The following NDFIP2 variants were observed in gnomAD, a reference collection of about 807,000 sequenced individuals.
The protein encoded by NDFIP2 is NEDD4 family-interacting protein 2.
NDFIP2 carries 19 observed loss-of-function variants against 36.0 expected under a neutral mutation model. The observed-to-expected ratio is 0.53, with a 90% CI of 0.37 to 0.77. NDFIP2 has a LOEUF of 0.77. Ranked by LOEUF, NDFIP2 falls within the 30% of genes least tolerant of loss-of-function variation. The pLI is 0.00. For synonymous variants in NDFIP2, 181 were observed against 167.7 expected, an observed-to-expected ratio of 1.08 and a Z score of -0.61; for missense variants, 446 against 435.8, an observed-to-expected ratio of 1.02 and a Z score of -0.21.
intron 6 of NDFIP2, among the ~76,000 whole-genome samples, chr13:79,549,738 A>C (rs926325052): frequency 6.6e-6 from 1 of 151,866 alleles, no homozygotes; most frequent in Non-Finnish European, 1.5e-5. Flanking sequence ...GGATCCCACA[A>C]ATAAGTTGGT....
At chr13:79,528,554 T>A (rs1874888300) in intron 2 of NDFIP2, among the ~76,000 whole-genome samples, 3 of 152,222 alleles carry the variant, frequency 2.0e-5, no homozygotes, top group Non-Finnish European at 4.4e-5. Context: ...CGTCACTCAC[T>A]CACTGACTCA....
At position 79,481,334 on chromosome 13, in the gene NDFIP2, C is replaced by A. The variant is rs1478263997; in HGVS notation, c.131C>A (p.Thr44Lys). The A allele has an allele frequency of 1.9e-6, 3 of 1,547,154 alleles. No individual in the cohort carries two copies. The South Asian group carries it at 3.6e-5, about 18-fold the overall frequency. ...AEVSAAAAGA[T>K]GSEELPPGDR... is the part of the protein sequence containing the mutation. ...GTCTCGGCGGCCGCTGCGGGAGCCA[C>A]AGGAAGTGAAGAGCTTCCGCCGGGA... is the stretch of plus-strand genomic sequence containing the variant. The change falls in exon 1 of 8, where the codon ACA becomes AAA. Residue 44 changes from threonine to lysine, a missense_variant. By Grantham distance (78) the Thr-to-Lys change is moderately conservative (BLOSUM62 -1). Coordinates refer to ENST00000218652, the MANE Select transcript of NDFIP2 (RefSeq NM_019080.3).
chr13:79,517,073 T>C (rs905630502), intron 1 of NDFIP2, among the ~76,000 whole-genome samples: 1 of 152,186 alleles, frequency 6.6e-6, no homozygotes, highest in African/African-American at 2.4e-5. Flanking sequence ...TAGCCACAAA[T>C]GCTTTTAAGA....
At chr13:79,540,662 T>C (rs898551261) in intron 4 of NDFIP2, among the ~76,000 whole-genome samples, 1 of 152,116 alleles carries the variant, frequency 6.6e-6, no homozygotes, top group African/African-American at 2.4e-5. Context: ...CTTTAAAAAG[T>C]AGAAAATACA....
At chr13:79,520,544 A>G (rs779906979) in intron 1 of NDFIP2, among the ~76,000 whole-genome samples, 1 of 152,190 alleles carries the variant, frequency 6.6e-6, no homozygotes, top group Non-Finnish European at 1.5e-5. Context: ...ATTTTGAATC[A>G]TGATATTTTC....
At chr13:79,497,086 T>G (rs1015031603) in intron 1 of NDFIP2, among the ~76,000 whole-genome samples, 2 of 152,048 alleles carry the variant, frequency 1.3e-5, no homozygotes, top group Non-Finnish European at 2.9e-5. Flanking sequence ...ATTTTTGATT[T>G]TATTCTGGAT....
intron 1 of NDFIP2, among the ~76,000 whole-genome samples, chr13:79,510,325 C>T (rs192936879): frequency 1.6e-4 from 24 of 150,904 alleles, no homozygotes; most frequent in African/African-American, 3.6e-4. Context: ...ATCCACTGAC[C>T]GTAGCCTACT....
chr13:79,505,056 A>C (rs1358207462), intron 1 of NDFIP2, among the ~76,000 whole-genome samples: 1 of 152,178 alleles, frequency 6.6e-6, no homozygotes, highest in Middle Eastern at 3.2e-3. Context: ...CATTCAGATA[A>C]TGTGAATATG....
intron 4 of NDFIP2, among the ~76,000 whole-genome samples, chr13:79,543,325 G>A (rs1875532873): frequency 1.3e-5 from 2 of 152,160 alleles, no homozygotes; most frequent in Admixed American, 1.3e-4. Flanking sequence ...TTTCAGGAAT[G>A]GATTCCTGTT....
At chr13:79,496,308 T>C (rs975597230) in intron 1 of NDFIP2, among the ~76,000 whole-genome samples, 13 of 151,970 alleles carry the variant, frequency 8.6e-5, no homozygotes, top group African/African-American at 3.1e-4. Flanking sequence ...TGTCTAGATA[T>C]ATATCTTAGG....
intron 1 of NDFIP2, among the ~76,000 whole-genome samples, chr13:79,493,241 C>A (rs184382351): frequency 2.0e-5 from 3 of 152,078 alleles, no homozygotes; most frequent in Non-Finnish European, 4.4e-5. Flanking sequence ...GTGTGCATGG[C>A]GATACTGGTA....
At chr13:79,523,567 C>T (rs7990488) in intron 2 of NDFIP2, among the ~76,000 whole-genome samples, 6,766 of 152,202 alleles carry the variant, frequency 0.044, 523 homozygotes, top group African/African-American at 0.16. Flanking sequence ...AAGTTTAATG[C>T]ATAAATTAGG....
chr13:79,556,014 T>G lies in NDFIP2; in HGVS notation c.*3501T>G, dbSNP rs926846727. On this transcript the variant is annotated 3_prime_UTR_variant, in exon 8 of 8. Transcript: ENST00000218652. ...AACATCTTTTAACTTCTCAGTTATT[T>G]GTATGTCAGGAGACAGATTGTGGTT... is the stretch of plus-strand genomic sequence containing the variant. The G allele has an allele frequency of 2.0e-5, 3 of 152,186 alleles. No individual in the cohort carries two copies. The highest frequency in any genetic ancestry group is 2.9e-5 in the Non-Finnish European group (2 of 68,006). The allele number at this position is 152,186 out of a possible 1,614,324, so 9.4% of individuals were successfully genotyped here. A position where few individuals can be genotyped will look rare whatever the true frequency, so the allele number is the denominator to read the frequency against.
intron 2 of NDFIP2, among the ~76,000 whole-genome samples, chr13:79,529,903 T>C (rs1874944975): frequency 6.6e-6 from 1 of 152,236 alleles, no homozygotes; most frequent in South Asian, 2.1e-4. Context: ...AAAAGAGTCA[T>C]ATGAATTTTT....
chr13:79,544,230 T>C (rs1050968623), intron 5 of NDFIP2, among the ~76,000 whole-genome samples: 2 of 152,190 alleles, frequency 1.3e-5, no homozygotes, highest in Non-Finnish European at 2.9e-5. Context: ...AGTGAAGGCC[T>C]GTGAAGTGGT....
chr13:79,509,690 T>TAGAGAGAGAG (rs71106101), intron 1 of NDFIP2, among the ~76,000 whole-genome samples: 93 of 147,910 alleles, frequency 6.3e-4, no homozygotes, highest in South Asian at 1.3e-3. Context: ...TATATATATA[T>TAGAGAGAGAG]AGAGAGAGAG....
chr13:79,512,763 T>C (rs1350972772), intron 1 of NDFIP2, among the ~76,000 whole-genome samples: 1 of 152,212 alleles, frequency 6.6e-6, no homozygotes, highest in Admixed American at 6.5e-5. Flanking sequence ...TCAAGCTTTT[T>C]CTATTGCACA....
At chr13:79,492,719 C>T (rs1873281756) in intron 1 of NDFIP2, among the ~76,000 whole-genome samples, 1 of 152,034 alleles carries the variant, frequency 6.6e-6, no homozygotes, top group African/African-American at 2.4e-5. Context: ...TTGTTTTTAA[C>T]CTTTAGAGAA....
intron 1 of NDFIP2, among the ~76,000 whole-genome samples, chr13:79,509,151 G>A (rs1402463527): frequency 1.3e-5 from 2 of 152,136 alleles, no homozygotes; most frequent in African/African-American, 4.8e-5. Flanking sequence ...CACAGCCTCA[G>A]GAGGTCCTGA....
Sources: gnomAD v4.1 joint callset for allele counts (sites outside exome capture counted in the v4.1 genomes callset) on GRCh38, gnomAD v4.1.1 for gene constraint, MANE v1.5 for transcripts, NCBI Gene and HGNC (gene_info 2026-07-23, HGNC 2026-07-21) for gene names.